STK4: variants seen among roughly 807,000 people sequenced by gnomAD.
STK4 encodes serine/threonine kinase 4.
STK4 carries 30 observed loss-of-function variants against 64.9 expected under a neutral mutation model. The ratio of observed to expected loss-of-function variants is 0.46; its 90% CI spans 0.35 to 0.63. The LOEUF is 0.63. Among genes scored for constraint, STK4 ranks in the 20% least tolerant of loss-of-function variants. STK4 has a pLI of 0.01. For synonymous variants in STK4, 177 were observed against 199.0 expected (o/e 0.89, Z 0.93); for missense variants, 466 against 598.5 (o/e 0.78, Z 2.31).
At chr20:44,995,945 C>G (rs550309013) in intron 6 of STK4, among the ~76,000 whole-genome samples, 20 of 152,310 alleles carry the variant, frequency 1.3e-4, no homozygotes, top group Non-Finnish European at 2.4e-4. Flanking sequence ...TATGAACTCT[C>G]TACTTTATCA....
intron 10 of STK4, among the ~76,000 whole-genome samples, chr20:45,063,433 G>A (rs1979273658): frequency 6.6e-6 from 1 of 152,146 alleles, no homozygotes; most frequent in South Asian, 2.1e-4. Flanking sequence ...TTTTTAACAG[G>A]AAGGTTTGTT....
At chr20:45,058,930 T>C (rs992575345) in intron 10 of STK4, among the ~76,000 whole-genome samples, 10 of 152,214 alleles carry the variant, frequency 6.6e-5, no homozygotes, top group South Asian at 2.1e-4. Flanking sequence ...AATGGGTGTT[T>C]ACTAACTTCC....
In STK4 at chr20:45,066,180, C is replaced by CAA. The variant is rs1979552806; in HGVS notation, c.1306-8838_1306-8837insAA. Among the ~76,000 whole-genome samples, 3 of 89,288 alleles carry CAA rather than the reference C, an allele frequency of 3.4e-5. No homozygotes were observed. The South Asian group carries it at 1.1e-3, about 32-fold the overall frequency. The allele number at this position is 89,288 out of a possible 152,430, so 58.6% of individuals were successfully genotyped here. A position where few individuals can be genotyped will look rare whatever the true frequency, so the allele number is the denominator to read the frequency against. On this transcript the variant is annotated intron_variant, in intron 10 of 10. Coordinates refer to ENST00000372806, the MANE Select transcript of STK4 (RefSeq NM_006282.5). The stretch of plus-strand genomic sequence containing the variant: ...ACATATGTATATACACATTATATAT[C>CAA]TACACACACACACACACACACACAC...
chr20:45,054,599 A>G (rs1226886623), intron 10 of STK4, among the ~76,000 whole-genome samples: 1 of 150,820 alleles, frequency 6.6e-6, no homozygotes, highest in Non-Finnish European at 1.5e-5. Context: ...AAAAAGGAAA[A>G]AGTACAGACC....
At chr20:45,074,897 C>G in intron 10 of STK4, 121 bp from the exon 11 acceptor site, 1 of 1,200,482 alleles carries the variant, frequency 8.3e-7, no homozygotes. Flanking sequence ...AACCTGTGAT[C>G]TGACCACAGT....
intron 10 of STK4, among the ~76,000 whole-genome samples, chr20:45,057,714 C>G (rs1441339552): frequency 6.6e-6 from 1 of 152,138 alleles, no homozygotes. Context: ...ACCAGAGAAG[C>G]TAAGTGTTTT....
At chr20:45,053,086 A>G (rs1163968296) in intron 10 of STK4, 2 of 1,611,604 alleles carry the variant, frequency 1.2e-6, no homozygotes, top group South Asian at 2.2e-5. Context: ...TTTCTTTCAG[A>G]AAACTAGCCA....
At position 44,967,131 on chromosome 20, in the gene STK4, AG is replaced by A. The variant is rs893399128; in HGVS notation, c.35+532del. 2.8e-4 allele frequency: 276 copies of A among 985,030 alleles called. 1 individual carries two copies. The African/African-American group carries it at 4.1e-3, about 15-fold the overall frequency. 61.0% of individuals were successfully genotyped at this position (985,030 alleles called of 1,614,324 possible). A position where few individuals can be genotyped will look rare whatever the true frequency, so the allele number is the denominator to read the frequency against. On this transcript the variant is annotated intron_variant, in intron 1 of 10. Coordinates refer to ENST00000372806, the MANE Select transcript of STK4 (RefSeq NM_006282.5). ...GGAAAGGTTGAGGGTCTAGCAAGGG[AG>A]GGGATGGTGGAGGGTAGCATTTCAG...
chr20:44,972,001 A>T, intron 1 of STK4, 77 bp from the exon 2 acceptor site: 1 of 1,409,174 alleles, frequency 7.1e-7, no homozygotes, highest in Non-Finnish European at 9.9e-7. Context: ...GATGCTAATT[A>T]TAAAAAAAAG....
chr20:45,068,956 GA>G (rs1226479167), intron 10 of STK4, among the ~76,000 whole-genome samples: 2 of 152,196 alleles, frequency 1.3e-5, no homozygotes, highest in African/African-American at 4.8e-5. Context: ...TCTACTTTAA[GA>G]TACAACACAT....
chr20:45,022,996 AC>A (rs2068275790), intron 9 of STK4, among the ~76,000 whole-genome samples: 1 of 152,170 alleles, frequency 6.6e-6, no homozygotes, highest in African/African-American at 2.4e-5. Flanking sequence ...GAAAGAAGAT[AC>A]CCTCTTTTGT....
intron 9 of STK4, 43 bp downstream of exon 9, chr20:45,001,396 A>G (rs771286032): frequency 1.5e-5 from 24 of 1,565,910 alleles, no homozygotes; most frequent in Non-Finnish European, 2.0e-5. Flanking sequence ...GACCAAGCAT[A>G]CATATTTCAG....
At chr20:45,026,969 T>C (rs1369356825) in intron 10 of STK4, among the ~76,000 whole-genome samples, 1 of 152,214 alleles carries the variant, frequency 6.6e-6, no homozygotes, top group Non-Finnish European at 1.5e-5. Context: ...TGTATAGTTG[T>C]CTTCAACATG....
chr20:45,058,872 T>A (rs1000284228), intron 10 of STK4, among the ~76,000 whole-genome samples: 3 of 152,226 alleles, frequency 2.0e-5, no homozygotes, highest in African/African-American at 4.8e-5. Context: ...AGCCTCGCAT[T>A]CTTGTACTCT....
intron 10 of STK4, among the ~76,000 whole-genome samples, chr20:45,038,713 TGAG>T (rs2068566096): frequency 6.6e-6 from 1 of 152,074 alleles, no homozygotes; most frequent in South Asian, 2.1e-4. Context: ...TAAACATTAT[TGAG>T]GACCCCAGAG....
intron 10 of STK4, among the ~76,000 whole-genome samples, chr20:45,051,196 A>G (rs2068771352): frequency 6.6e-6 from 1 of 152,198 alleles, no homozygotes. Flanking sequence ...TTTGATCCAA[A>G]GTACTTCTAT....
intron 4 of STK4, among the ~76,000 whole-genome samples, chr20:44,983,702 GT>G (rs1312011442): frequency 1.3e-5 from 2 of 152,038 alleles, no homozygotes. Flanking sequence ...TTAGCCTGTG[GT>G]TTTTTTGTCT....
chr20:44,978,498 A>G lies in STK4; in HGVS notation c.172A>G (p.Ile58Val), dbSNP rs1244262418. The change falls in exon 3 of 11, where the codon ATT becomes GTT. Residue 58 changes from isoleucine to valine, a missense_variant. Physicochemically the swap from Ile to Val is conservative, Grantham distance 29. This residue lies in a region of STK4 where 190 missense variants were observed against 289.7 expected (regional missense o/e 0.66). Coordinates refer to ENST00000372806, the MANE Select transcript of STK4 (RefSeq NM_006282.5). The stretch of plus-strand genomic sequence containing the variant: ...TAAAGAGACCGGCCAGATTGTTGCT[A>G]TTAAGCAAGTTCCTGTGGAATCAGA... ...IHKETGQIVA[I>V]KQVPVESDLQ... 2 of 1,614,178 alleles carry G rather than the reference A, an allele frequency of 1.2e-6. No homozygotes were observed. The highest frequency in any genetic ancestry group is 1.1e-5 in the South Asian group (1 of 91,088).
chr20:45,012,725 G>A (rs2068071913), intron 9 of STK4, among the ~76,000 whole-genome samples: 1 of 150,682 alleles, frequency 6.6e-6, no homozygotes, highest in Non-Finnish European at 1.5e-5. Flanking sequence ...AATGGAGACA[G>A]TCTTATTGTC....
Sources: allele counts gnomAD v4.1 joint callset (sites outside exome capture counted in the v4.1 genomes callset), GRCh38; gene constraint gnomAD v4.1.1; regional missense constraint gnomAD v4.1.1; transcripts MANE v1.5; gene names NCBI Gene and HGNC (gene_info 2026-07-23, HGNC 2026-07-21).